Variants in TMCO6 observed in about 807,000 individuals in gnomAD.
TMCO6 encodes the protein transmembrane and coiled-coil domain-containing protein 6.
In TMCO6, 47 loss-of-function variants were observed where a neutral mutation model predicts 61.8. The observed-to-expected ratio is 0.76, with a 90% CI of 0.60 to 0.97. The LOEUF (loss-of-function observed/expected upper bound fraction) is 0.97, where lower values mean the gene tolerates loss of function less well. Among genes scored for constraint, TMCO6 ranks in the 50% least tolerant of loss-of-function variants. The probability of loss-of-function intolerance (pLI) is 0.00; values close to 1 mark genes in which losing one functional copy is unlikely to be tolerated. For synonymous variants in TMCO6, 261 were observed against 254.2 expected (o/e 1.03, Z -0.25); for missense variants, 557 against 601.6 (o/e 0.93, Z 0.78).
the TMCO6 span, among the ~76,000 whole-genome samples, chr5:140,610,890 C>T: frequency 6.6e-6 from 1 of 152,050 alleles, no homozygotes; most frequent in South Asian, 2.1e-4. Context: ...AAGAAAGTTC[C>T]CTTCCTTCCT....
rs745881179 is a variant in TMCO6 at position 140,644,694 on chromosome 5, G to A, written c.1322G>A (p.Gly441Asp). The A allele has an allele frequency of 5.0e-6, 8 of 1,614,230 alleles. No individual in the cohort carries two copies. Among genetic ancestry groups the A allele is most frequent in the Non-Finnish European group, 6.8e-6 (8 of 1,180,036 alleles). ...TLAFSDTEVVGQSLELLHLLF... is the reference protein window; with the variant it reads ...TLAFSDTEVVDQSLELLHLLF... The stretch of plus-strand genomic sequence containing the variant: ...GCCTTTTCTGACACTGAAGTAGTAG[G>A]CCAGAGTTTGGAGCTGCTGCATCTG... Residue 441 changes from glycine to aspartate, a missense_variant, in exon 11 of 12, where the codon GGC becomes GAC. By Grantham distance (94) the Gly-to-Asp change is moderately conservative. Coordinates refer to ENST00000394671, the MANE Select transcript of TMCO6 (RefSeq NM_018502.5).
the TMCO6 span, chr5:140,631,885 GC>G: frequency 6.3e-7 from 1 of 1,584,020 alleles, no homozygotes; most frequent in African/African-American, 1.3e-5. Flanking sequence ...CCTTGGAGCA[GC>G]ACCAGGGTTC....
At chr5:140,616,626 C>T in the TMCO6 span, among the ~76,000 whole-genome samples, 1 of 152,126 alleles carries the variant, frequency 6.6e-6, no homozygotes, top group Admixed American at 6.5e-5. Flanking sequence ...ATGCAATCAG[C>T]AGAGTAAAAA....
rs1261261289 is a variant in TMCO6, at chr5:140,642,173, G to C, written c.498+120G>C. 3 of 1,435,846 alleles carry C rather than the reference G, an allele frequency of 2.1e-6. No homozygotes were observed. The African/African-American group carries it at 4.2e-5, about 20-fold the overall frequency. The allele number at this position is 1,435,846 out of a possible 1,614,324, so 88.9% of individuals were successfully genotyped here. A position where few individuals can be genotyped will look rare whatever the true frequency, so the allele number is the denominator to read the frequency against. On this transcript the variant is annotated intron_variant, in intron 4 of 11. Transcript: ENST00000394671. ...TGTTTGCCCTTATGCCTACAGCCAT[G>C]GCTACACCCATCATCTCCCCACCCT...
At chr5:140,638,561 CTTTCT>C (rs759731363), upstream of TMCO6, among the ~76,000 whole-genome samples, 4,699 of 133,318 alleles carry the variant, frequency 0.035, 174 homozygotes, top group African/African-American at 0.11. Context: ...TTCTTTCTTT[CTTTCT>C]TTTTTTTTTT....
At chr5:140,629,944 A>G in the TMCO6 span, among the ~76,000 whole-genome samples, 4 of 152,082 alleles carry the variant, frequency 2.6e-5, no homozygotes, top group East Asian at 7.7e-4. Flanking sequence ...AAAAAAAAAA[A>G]AAAAAGGATA....
At chr5:140,604,924 C>T in the TMCO6 span, among the ~76,000 whole-genome samples, 1 of 152,064 alleles carries the variant, frequency 6.6e-6, no homozygotes, top group African/African-American at 2.4e-5. Flanking sequence ...GGCTCTAATC[C>T]TATACAGTTG....
At chr5:140,647,373 G>C (rs201963018), downstream of TMCO6, 172 of 1,611,096 alleles carry the variant, frequency 1.1e-4, no homozygotes, top group Middle Eastern at 1.3e-3. Context: ...CTGCGGGGCC[G>C]GAGAGAGCGC....
At chr5:140,599,060 CG>C in the TMCO6 span, among the ~76,000 whole-genome samples, 2 of 152,226 alleles carry the variant, frequency 1.3e-5, no homozygotes, top group East Asian at 3.9e-4. Context: ...GGCCTTCCAA[CG>C]GGGGAATGTG....
At chr5:140,599,466 C>G in the TMCO6 span, among the ~76,000 whole-genome samples, 1 of 152,210 alleles carries the variant, frequency 6.6e-6, no homozygotes, top group South Asian at 2.1e-4. Flanking sequence ...TAGTGGCAAA[C>G]AGAATGCAAT....
chr5:140,636,401 C>A (rs1032637398), upstream of TMCO6, among the ~76,000 whole-genome samples: 13 of 151,412 alleles, frequency 8.6e-5, no homozygotes, highest in Admixed American at 4.6e-4. Context: ...AGGCTGAGTT[C>A]CAGGCTGTGA....
At chr5:140,625,148 G>A in the TMCO6 span, among the ~76,000 whole-genome samples, 2 of 152,064 alleles carry the variant, frequency 1.3e-5, no homozygotes, top group East Asian at 1.9e-4. Context: ...CACTGCACCC[G>A]GCCTCCATCA....
At chr5:140,608,560 A>T in the TMCO6 span, among the ~76,000 whole-genome samples, 1 of 152,208 alleles carries the variant, frequency 6.6e-6, no homozygotes, top group African/African-American at 2.4e-5. Context: ...GTCATATCTA[A>T]TAATCCACTG....
At chr5:140,638,658 AC>A (rs1006808198), upstream of TMCO6, 9 of 151,290 alleles carry the variant, frequency 5.9e-5, no homozygotes, top group African/African-American at 2.2e-4. Context: ...CCGGGTTCAA[AC>A]GATTCTCCTG....
At chr5:140,621,896 A>G in the TMCO6 span, among the ~76,000 whole-genome samples, 21 of 152,302 alleles carry the variant, frequency 1.4e-4, no homozygotes, top group Admixed American at 1.2e-3. Flanking sequence ...ATTTACGCCT[A>G]ATAAATTTTG....
At chr5:140,639,361 A>G (rs189868246), upstream of TMCO6, 1,004 of 642,748 alleles carry the variant, frequency 1.6e-3, 3 homozygotes, top group Middle Eastern at 7.3e-3. Context: ...CGTCCCCGCG[A>G]GGCGTCCACT....
At chr5:140,632,729 C>G in the TMCO6 span, 54 of 1,613,524 alleles carry the variant, frequency 3.3e-5, no homozygotes, top group Non-Finnish European at 3.8e-5. The surrounding 1 kb of genome is among the most constrained non-coding windows in gnomAD (Gnocchi z 6.2). Flanking sequence ...GAGCCTTGAC[C>G]GTGTCAGCAT....
At chr5:140,631,972 G>T in the TMCO6 span, 1 of 1,613,704 alleles carries the variant, frequency 6.2e-7, no homozygotes, top group Non-Finnish European at 8.5e-7. Context: ...TCGTGGGGGA[G>T]GGCAGTTCCA....
the TMCO6 span, among the ~76,000 whole-genome samples, chr5:140,607,369 A>G: frequency 6.6e-6 from 1 of 152,206 alleles, no homozygotes; most frequent in Non-Finnish European, 1.5e-5. Context: ...CATGTATCAG[A>G]CGTCATTACT....
Sources: allele counts gnomAD v4.1 joint callset (sites outside exome capture counted in the v4.1 genomes callset), GRCh38; gene constraint gnomAD v4.1.1; non-coding constraint Gnocchi (gnomAD v3.1); transcripts MANE v1.5; gene names NCBI Gene and HGNC (gene_info 2026-07-23, HGNC 2026-07-21).